Variants in CEBPZ observed in about 807,000 individuals in gnomAD.
CEBPZ encodes CCAAT/enhancer-binding protein zeta.
Under a neutral mutation model 104.5 loss-of-function variants are expected in CEBPZ, and 78 were observed. The ratio of observed to expected loss-of-function variants is 0.75; its 90% CI spans 0.62 to 0.90. The LOEUF is 0.90. CEBPZ is among the 40% of genes least tolerant of loss of function. The pLI, the probability that CEBPZ is intolerant of heterozygous loss-of-function variation, is 0.00. For missense variants in CEBPZ, 1,439 were observed against 1,233.5 expected (o/e 1.17, Z -2.50); for synonymous variants, 470 against 427.0 (o/e 1.10, Z -1.24).
At chr2:37,218,545 G>A (rs1242919902) in intron 5 of CEBPZ, among the ~76,000 whole-genome samples, 1 of 152,126 alleles carries the variant, frequency 6.6e-6, no homozygotes, top group East Asian at 1.9e-4. Flanking sequence ...TATTCAATTG[G>A]CTTTTGGTAC....
Position 37,227,584 on chromosome 2 carries a change from G to C in CEBPZ, c.1609C>G (p.Gln537Glu), listed in dbSNP as rs1558478295. ...LMLLFQVMNS[Q>E]QTISDRYYTA... ...TAATATCGATCCGATATTGTCTGCT[G>C]AGAATTCATTACTTGGAAAAGCAAC... is the stretch of plus-strand genomic sequence containing the variant. The change falls in exon 2 of 16, where the codon CAG becomes GAG. Residue 537 changes from glutamine to glutamate, a missense_variant. By Grantham distance (29) the Gln-to-Glu change is conservative. Transcript: ENST00000234170. The C allele has an allele frequency of 2.2e-5, 35 of 1,613,648 alleles. No individual in the cohort carries two copies. Among genetic ancestry groups the C allele is most frequent in the Non-Finnish European group, 3.0e-5 (35 of 1,179,830 alleles).
At position 37,231,583 on chromosome 2, in the gene CEBPZ, C is replaced by T. The variant is rs746429748; in HGVS notation, c.-16G>A. 1.2e-6 allele frequency: 2 copies of T among 1,614,252 alleles called. No homozygotes were observed. Among genetic ancestry groups the T allele is most frequent in the South Asian group, 1.1e-5 (1 of 91,086 alleles). ...CTGCGGCCATGGCGGGCAAAGCATA[C>T]GCGCGTGAAACTCAGCCTATTTCCG... is the stretch of plus-strand genomic sequence containing the variant. On this transcript the variant is annotated 5_prime_UTR_variant, in exon 1 of 16. Transcript: ENST00000234170.
In CEBPZ at chr2:37,225,332, A is replaced by C. The variant is rs560932102; in HGVS notation, c.1650-1931T>G. The stretch of plus-strand genomic sequence containing the variant: ...GTATCTCACAGTGTGGGGAAAAGGA[A>C]GAGAGATCAGATTGTTACTGTGTCT... On this transcript the variant is annotated intron_variant, in intron 2 of 15. Transcript: ENST00000234170. 2.6e-5 allele frequency among the ~76,000 whole-genome samples: 4 copies of C among 152,292 alleles called. No homozygotes were observed. The East Asian group carries it at 5.8e-4, about 22-fold the overall frequency.
intron 2 of CEBPZ, among the ~76,000 whole-genome samples, chr2:37,226,173 G>T (rs1664882945): frequency 6.6e-6 from 1 of 151,830 alleles, no homozygotes; most frequent in Non-Finnish European, 1.5e-5. Flanking sequence ...TGGTTCCCCG[G>T]TTCCCCTTAT....
chr2:37,212,240 C>T (rs1677743928), intron 11 of CEBPZ, 95 bp downstream of exon 11: 2 of 1,159,368 alleles, frequency 1.7e-6, no homozygotes, highest in Non-Finnish European at 1.3e-6. Context: ...GACTACATTT[C>T]CCCTTTATCA....
intron 13 of CEBPZ, chr2:37,209,514 G>C (rs1412405958): frequency 2.0e-5 from 3 of 152,120 alleles, no homozygotes; most frequent in Non-Finnish European, 4.4e-5. Context: ...TCTGATCTTT[G>C]ACAAAGTAAA....
intron 5 of CEBPZ, among the ~76,000 whole-genome samples, chr2:37,217,901 C>CAAA (rs58344885): frequency 2.2e-5 from 3 of 139,314 alleles, no homozygotes; most frequent in African/African-American, 5.4e-5. Context: ...GACTCTGTCT[C>CAAA]AAAAAAAAAA....
intron 5 of CEBPZ, among the ~76,000 whole-genome samples, chr2:37,217,427 A>G (rs1301020114): frequency 1.3e-5 from 2 of 151,980 alleles, no homozygotes; most frequent in Non-Finnish European, 2.9e-5. Flanking sequence ...AAAATGCAAA[A>G]ATTTGAAATT....
In CEBPZ at chr2:37,220,441, T is replaced by C. The variant is rs375084171; in HGVS notation, c.2098A>G (p.Ser700Gly). ...GKQLNKYDPF[S>G]RNPLFCGAEN... Reference sequence around the variant, plus strand: ...GCTCCACAGAACAGAGGGTTTCTACTGAATGGATCGTATTTATTTAACTGT... The same window carrying C: ...GCTCCACAGAACAGAGGGTTTCTACCGAATGGATCGTATTTATTTAACTGT... The change falls in exon 5 of 16, where the codon AGT becomes GGT. Residue 700 changes from serine to glycine, a missense_variant. Physicochemically the swap from Ser to Gly is moderately conservative, Grantham distance 56. Transcript: ENST00000234170. 2.4e-4 allele frequency: 377 copies of C among 1,600,772 alleles called. No individual in the cohort carries two copies. Among genetic ancestry groups the C allele is most frequent in the Non-Finnish European group, 3.1e-4 (362 of 1,171,636 alleles).
At chr2:37,211,255 T>G in intron 12 of CEBPZ, 173 bp from the exon 13 acceptor site, 1 of 441,638 alleles carries the variant, frequency 2.3e-6, no homozygotes, top group East Asian at 3.4e-5. Context: ...AAAAAGACTC[T>G]AAGAATTGGC....
intron 8 of CEBPZ, among the ~76,000 whole-genome samples, chr2:37,215,851 A>T (rs992261116): frequency 1.3e-5 from 2 of 152,058 alleles, no homozygotes; most frequent in African/African-American, 4.8e-5. Flanking sequence ...CGGATGATAA[A>T]ATGGTGACAA....
intron 5 of CEBPZ, among the ~76,000 whole-genome samples, chr2:37,218,499 A>G: frequency 6.6e-6 from 1 of 152,262 alleles, no homozygotes; most frequent in African/African-American, 2.4e-5. Flanking sequence ...CTATACCAAA[A>G]CCAAAGATTA....
rs781510960 is a variant in CEBPZ at position 37,227,874 on chromosome 2, T to C, written c.1319A>G (p.Tyr440Cys). Residue 440 changes from tyrosine (Y) to cysteine (C), a missense_variant, in exon 2 of 16, where the codon TAT becomes TGT. Tyr to Cys is a radical substitution (Grantham distance 194). Coordinates refer to ENST00000234170, the MANE Select transcript of CEBPZ (RefSeq NM_005760.3). ...RSNISSKAQY[Y>C]AICFLNQMAL... The stretch of plus-strand genomic sequence containing the variant: ...CATTTGATTTAAAAAGCAAATTGCA[T>C]AATATTGAGCTTTGGAGCTGATATT... 2 of 1,614,190 alleles carry C rather than the reference T, an allele frequency of 1.2e-6. No homozygotes were observed. Among genetic ancestry groups the C allele is most frequent in the Non-Finnish European group, 8.5e-7 (1 of 1,180,050 alleles).
intron 13 of CEBPZ, chr2:37,203,683 C>G (rs1677398023): frequency 6.6e-6 from 1 of 152,214 alleles, no homozygotes; most frequent in Non-Finnish European, 1.5e-5. Context: ...GATTTTAGAA[C>G]ATTTCCATCA....
chr2:37,212,192 A>G, intron 11 of CEBPZ, 143 bp downstream of exon 11: 1 of 976,606 alleles, frequency 1.0e-6, no homozygotes, highest in South Asian at 1.6e-5. Flanking sequence ...TATAAATGTC[A>G]AAGATGAAAG....
In CEBPZ at chr2:37,227,576, T is replaced by C. The variant is rs145574463; in HGVS notation, c.1617A>G (p.Thr539=). The C allele has an allele frequency of 8.4e-5, 136 of 1,613,314 alleles. No homozygotes were observed. The highest frequency in any genetic ancestry group is 1.1e-4 in the Non-Finnish European group (129 of 1,179,694). ...ATGCTGTGTAATATCGATCCGATATTGTCTGCTGAGAATTCATTACTTGGA... is the reference window on the plus strand; with the variant it reads ...ATGCTGTGTAATATCGATCCGATATCGTCTGCTGAGAATTCATTACTTGGA... ...LLFQVMNSQQ[T]ISDRYYTALY... Residue 539 remains threonine (T), a synonymous_variant, in exon 2 of 16, where the codon ACA becomes ACG. Transcript: ENST00000234170.
At position 37,228,425 on chromosome 2, in the gene CEBPZ, CTGAA is replaced by C; in HGVS notation, c.764_767del (p.Ile255ArgfsTer11). 3.1e-6 allele frequency: 5 copies of C among 1,614,230 alleles called. No homozygotes were observed. The highest frequency in any genetic ancestry group is 4.2e-6 in the Non-Finnish European group (5 of 1,180,042). ...ACTGAAGTGTGTGAACGGCATCATC[CTGAA>C]TAAGAAGAATCATGGCTGCCATCCT... On this transcript the variant is annotated frameshift_variant, in exon 2 of 16. Transcript: ENST00000234170. LOFTEE classifies it high-confidence loss of function.
At chr2:37,221,102 T>C (rs1310997557) in intron 4 of CEBPZ, among the ~76,000 whole-genome samples, 3 of 152,166 alleles carry the variant, frequency 2.0e-5, no homozygotes, top group African/African-American at 7.2e-5. Context: ...GAAAGGCTGC[T>C]TGAGACCAAG....
At chr2:37,211,110 G>A (rs1397095369) in intron 12 of CEBPZ, 28 bp from the exon 13 acceptor site, 1 of 1,497,696 alleles carries the variant, frequency 6.7e-7, no homozygotes, top group Non-Finnish European at 9.2e-7. Flanking sequence ...TTGCTAATAA[G>A]CAATTTAAAA....
Sources: allele counts gnomAD v4.1 joint callset (sites outside exome capture counted in the v4.1 genomes callset), GRCh38; gene constraint gnomAD v4.1.1; transcripts MANE v1.5; gene names NCBI Gene and HGNC (gene_info 2026-07-23, HGNC 2026-07-21).